The following LTBP4 variants were observed in gnomAD, a reference collection of about 807,000 sequenced individuals.
The protein encoded by LTBP4 is latent-transforming growth factor beta-binding protein 4.
LTBP4 carries 93 observed loss-of-function variants against 180.2 expected under a neutral mutation model. The observed-to-expected ratio is 0.52, with a 90% CI of 0.44 to 0.61. The LOEUF (loss-of-function observed/expected upper bound fraction) is 0.61, where lower values mean the gene tolerates loss of function less well. Among genes scored for constraint, LTBP4 ranks in the 20% least tolerant of loss-of-function variants. LTBP4 has a pLI of 0.00. For missense variants in LTBP4, 2,116 were observed against 2,256.5 expected, an observed-to-expected ratio of 0.94 and a Z score of 1.26; for synonymous variants, 947 against 934.5, an observed-to-expected ratio of 1.01 and a Z score of -0.24.
At chr19:40,620,229 T>C (rs2081576691) in intron 22 of LTBP4, among the ~76,000 whole-genome samples, 1 of 143,656 alleles carries the variant, frequency 7.0e-6, no homozygotes, top group Admixed American at 6.9e-5. Context: ...CGTTTTTTTT[T>C]TGAAAATTTT....
At position 40,614,384 on chromosome 19, in the gene LTBP4, C is replaced by T; in HGVS notation, c.2750C>T (p.Ser917Phe). The T allele has an allele frequency of 6.2e-7, 1 of 1,600,502 alleles. No individual in the cohort carries two copies. The highest frequency in any genetic ancestry group is 8.5e-7 in the Non-Finnish European group (1 of 1,179,802). ...GSQRCENSPG[S>F]YRCVRDCDPG... ...CAGCGCTGTGAGAACTCTCCCGGCTCCTACCGCTGTGTCCGGGACTGCGAT... is the reference window on the plus strand; with the variant it reads ...CAGCGCTGTGAGAACTCTCCCGGCTTCTACCGCTGTGTCCGGGACTGCGAT... Residue 917 changes from serine (S) to phenylalanine (F), a missense_variant, in exon 19 of 30, where the codon TCC becomes TTC. Transcript: ENST00000396819.
chr19:40,629,612 G>A lies in LTBP4; in HGVS notation c.*62G>A. ...ACTCGGGGCCCCTGCCGCGCATCCTGCAGCCCGCTTATGCGTATGTGCACG... is the reference window on the plus strand; with the variant it reads ...ACTCGGGGCCCCTGCCGCGCATCCTACAGCCCGCTTATGCGTATGTGCACG... On this transcript the variant is annotated 3_prime_UTR_variant, in exon 30 of 30. Coordinates refer to ENST00000396819, the MANE Select transcript of LTBP4 (RefSeq NM_001042545.2). This position sits in a 1 kb window ranked among gnomAD's most constrained non-coding sequence, Gnocchi z 4.5. 3 of 1,318,594 alleles carry A rather than the reference G, an allele frequency of 2.3e-6. No homozygotes were observed. The highest frequency in any genetic ancestry group is 2.9e-6 in the Non-Finnish European group (3 of 1,035,136). The allele number at this position is 1,318,594 out of a possible 1,614,324, so 81.7% of individuals were successfully genotyped here.
chr19:40,600,128 A>G (rs936689001), upstream of LTBP4: 8 of 1,257,708 alleles, frequency 6.4e-6, no homozygotes, highest in Admixed American at 1.3e-4. The surrounding 1 kb of genome is among the most constrained non-coding windows in gnomAD (Gnocchi z 4.4). Flanking sequence ...GGGGCCGGGG[A>G]CTACTGAGAA....
In LTBP4 at chr19:40,609,875, A is replaced by T; in HGVS notation, c.1684+4A>T. 6.5e-7 allele frequency: 1 copy of T among 1,546,942 alleles called. No homozygotes were observed. The highest frequency in any genetic ancestry group is 1.4e-5 in the African/African-American group (1 of 73,372). The stretch of plus-strand genomic sequence containing the variant: ...CCACGGGCTGCGGAATGCCTGGGTG[A>T]GAAATTTGCCCCACCCGGCTCCAGG... On this transcript the variant is annotated splice_donor_region_variant and intron_variant, in intron 11 of 29. Transcript: ENST00000396819. This position sits in a 1 kb window ranked among gnomAD's most constrained non-coding sequence, Gnocchi z 4.9.
Position 40,622,680 on chromosome 19 carries a change from T to G in LTBP4, c.3484+13T>G. The G allele has an allele frequency of 6.3e-7, 1 of 1,591,616 alleles. No homozygotes were observed. Among genetic ancestry groups the G allele is most frequent in the Non-Finnish European group, 8.6e-7 (1 of 1,169,544 alleles). On this transcript the variant is annotated intron_variant, in intron 23 of 29. Coordinates refer to ENST00000396819, the MANE Select transcript of LTBP4 (RefSeq NM_001042545.2). The surrounding 1 kb of genome is among the most constrained non-coding windows in gnomAD (Gnocchi z 5.1). Reference sequence around the variant, plus strand: ...GGCACCGAGACAGGTGGGCATGGGCTGATGGGGACACAGGGCTGAGGGCTT... The same window carrying G: ...GGCACCGAGACAGGTGGGCATGGGCGGATGGGGACACAGGGCTGAGGGCTT...
chr19:40,614,780 C>T (rs1292084085), intron 19 of LTBP4, among the ~76,000 whole-genome samples: 3 of 152,104 alleles, frequency 2.0e-5, no homozygotes, highest in Admixed American at 6.6e-5. Context: ...ACCCCCTCTT[C>T]AGGCCCCTTC....
intron 28 of LTBP4, 121 bp from the exon 29 acceptor site, chr19:40,627,584 G>A: frequency 7.2e-7 from 1 of 1,387,048 alleles, no homozygotes; most frequent in Non-Finnish European, 9.7e-7. Flanking sequence ...ACCCGCCACA[G>A]CCCTGGAGCG....
In LTBP4 at chr19:40,623,807, G is replaced by A. The variant is rs189631510; in HGVS notation, c.3685+75G>A. 5.2e-4 allele frequency: 830 copies of A among 1,600,724 alleles called. 7 individuals are homozygous for A. In the African/African-American group the frequency reaches 0.01, roughly 20 times the overall value. ...CCTTGCCAGCTCCCCTCTGGAATGT[G>A]GCCACCACCAGCGGGAAGTCTTTCC... On this transcript the variant is annotated intron_variant, in intron 25 of 29. Transcript: ENST00000396819.
chr19:40,623,545 G>T, intron 24 of LTBP4, 59 bp from the exon 25 acceptor site: 2 of 1,566,056 alleles, frequency 1.3e-6, no homozygotes, highest in South Asian at 2.3e-5. Context: ...CCCACGTCAT[G>T]CCCTCACACA....
chr19:40,622,609 T>C lies in LTBP4; in HGVS notation c.3426T>C (p.Thr1142=), dbSNP rs1599875956. The C allele has an allele frequency of 1.9e-6, 3 of 1,612,472 alleles. No homozygotes were observed. The highest frequency in any genetic ancestry group is 2.2e-5 in the South Asian group (2 of 91,028). The change falls in exon 23 of 30, where the codon ACT becomes ACC. Residue 1142 remains threonine (T), a synonymous_variant. Coordinates refer to ENST00000396819, the MANE Select transcript of LTBP4 (RefSeq NM_001042545.2). The surrounding 1 kb of genome is among the most constrained non-coding windows in gnomAD (Gnocchi z 5.1). The stretch of plus-strand genomic sequence containing the variant: ...TGACATGGCAGGAGTGCTGCTGTAC[T>C]GTGGGTGAGGGCTGGGGCAGCGGCT... ...RNVTWQECCC[T]VGEGWGSGCR...
In LTBP4 at chr19:40,605,388, G is replaced by C. The variant is rs371706321; in HGVS notation, c.443-17G>C. 1.9e-6 allele frequency: 3 copies of C among 1,612,182 alleles called. No individual in the cohort carries two copies. The highest frequency in any genetic ancestry group is 1.1e-5 in the South Asian group (1 of 91,040). ...AACCCGTGTAGACATCCGTTTGCCC[G>C]GCCGTGCCTCCCCTAGGCGTGGCAT... On this transcript the variant is annotated splice_polypyrimidine_tract_variant and intron_variant, in intron 2 of 29. Coordinates refer to ENST00000396819, the MANE Select transcript of LTBP4 (RefSeq NM_001042545.2). The surrounding 1 kb of genome is among the most constrained non-coding windows in gnomAD (Gnocchi z 5.5).
chr19:40,597,839 A>G (rs1326714105), upstream of LTBP4, among the ~76,000 whole-genome samples: 3 of 151,846 alleles, frequency 2.0e-5, no homozygotes, highest in Non-Finnish European at 4.4e-5. Context: ...GTGTTCATGA[A>G]AAGCGACCTT....
intron 28 of LTBP4, 106 bp downstream of exon 28, chr19:40,627,461 A>T: frequency 7.3e-7 from 1 of 1,377,556 alleles, no homozygotes; most frequent in East Asian, 2.5e-5. Context: ...CACAGGTGCA[A>T]CTGGAGAGAG....
rs771741918 is a variant in LTBP4 at position 40,607,442 on chromosome 19, C to T, written c.1069C>T (p.Arg357Trp). 1.2e-6 allele frequency: 2 copies of T among 1,613,258 alleles called. No individual in the cohort carries two copies. Among genetic ancestry groups the T allele is most frequent in the East Asian group, 2.2e-5 (1 of 44,892 alleles). ...RDGGCSLPIL[R>W]NITKQICCCS... ...CGGCGGCTGTTCGCTGCCCATTCTG[C>T]GGAACATCACTAAACAGATCTGCTG... The change falls in exon 7 of 30, where the codon CGG becomes TGG. Residue 357 changes from arginine (R) to tryptophan (W), a missense_variant. Arg to Trp is a moderately radical substitution (Grantham distance 101, BLOSUM62 -3). Transcript: ENST00000396819.
chr19:40,594,061 G>A (rs796839459), intron 1 of LTBP4, among the ~76,000 whole-genome samples: 4 of 151,942 alleles, frequency 2.6e-5, no homozygotes, highest in African/African-American at 9.6e-5. Flanking sequence ...GCCTCCCAAA[G>A]TGCTGGGATT....
In LTBP4 at chr19:40,629,577, C is replaced by G; in HGVS notation, c.*27C>G. The G allele has an allele frequency of 5.2e-6, 7 of 1,350,320 alleles. No homozygotes were observed. Among genetic ancestry groups the G allele is most frequent in the Non-Finnish European group, 6.6e-6 (7 of 1,053,950 alleles). 83.6% of individuals were successfully genotyped at this position (1,350,320 alleles called of 1,614,324 possible). ...CCCTGGCACCCGCTGGCCGCCCACC[C>G]GCGCCCGCCACTCGGGGCCCCTGCC... On this transcript the variant is annotated 3_prime_UTR_variant, in exon 30 of 30. Coordinates refer to ENST00000396819, the MANE Select transcript of LTBP4 (RefSeq NM_001042545.2). This position sits in a 1 kb window ranked among gnomAD's most constrained non-coding sequence, Gnocchi z 4.5.
Position 40,606,530 on chromosome 19 carries a change from A to C in LTBP4, c.991+4A>C, listed in dbSNP as rs1323716928. On this transcript the variant is annotated splice_donor_region_variant and intron_variant, in intron 6 of 29. Transcript: ENST00000396819. ...TCGTCCCGCAGCAGCTGCATCTGTG[A>C]GCAACCAGCAGGGAGCTGAGGCTGG... The C allele has an allele frequency of 6.4e-7, 1 of 1,561,674 alleles. No individual in the cohort carries two copies. The highest frequency in any genetic ancestry group is 8.7e-7 in the Non-Finnish European group (1 of 1,154,212).
chr19:40,602,201 G>A (rs1488590171), intron 1 of LTBP4, among the ~76,000 whole-genome samples: 2 of 150,314 alleles, frequency 1.3e-5, no homozygotes, highest in Non-Finnish European at 3.0e-5. Flanking sequence ...GGGTGGGGTG[G>A]GGGTGTCTCC....
Position 40,605,586 on chromosome 19 carries a change from G to A in LTBP4, c.624G>A (p.Pro208=). ...ACACGGTGTTGGCACAGAGCGCGCC[G>A]CGGGAGGACGGCTACTCAGATGCCT... The part of the protein sequence containing the change: ...APYTVLAQSA[P]REDGYSDASG... Residue 208 remains proline, a synonymous_variant, in exon 3 of 30, where the codon CCG becomes CCA. Coordinates refer to ENST00000396819, the MANE Select transcript of LTBP4 (RefSeq NM_001042545.2). This position sits in a 1 kb window ranked among gnomAD's most constrained non-coding sequence, Gnocchi z 5.5. 6.2e-7 allele frequency: 1 copy of A among 1,601,466 alleles called. No homozygotes were observed. Among genetic ancestry groups the A allele is most frequent in the Non-Finnish European group, 8.5e-7 (1 of 1,174,214 alleles).
Sources: gnomAD v4.1 joint callset for allele counts (sites outside exome capture counted in the v4.1 genomes callset) on GRCh38, gnomAD v4.1.1 for gene constraint, Gnocchi (gnomAD v3.1) non-coding constraint, MANE v1.5 for transcripts, NCBI Gene and HGNC (gene_info 2026-07-23, HGNC 2026-07-21) for gene names.